The following LNX1 variants were observed in gnomAD, a reference collection of about 807,000 sequenced individuals.
LNX1 encodes the protein E3 ubiquitin-protein ligase LNX.
A neutral mutation model predicts 68.4 loss-of-function variants in LNX1; 54 were observed. That is an observed-to-expected ratio of 0.79 (90% confidence interval 0.63 to 0.99). The LOEUF (loss-of-function observed/expected upper bound fraction) is 0.99. Ranked by LOEUF, LNX1 falls within the 50% of genes least tolerant of loss-of-function variation. The probability of loss-of-function intolerance (pLI) is 0.00; values close to 1 mark genes in which losing one functional copy is unlikely to be tolerated. For synonymous variants in LNX1, 336 were observed against 350.0 expected, an observed-to-expected ratio of 0.96 and a Z score of 0.45; for missense variants, 906 against 926.4, an observed-to-expected ratio of 0.98 and a Z score of 0.29.
intron 1 of LNX1, among the ~76,000 whole-genome samples, chr4:53,626,051 C>T (rs562163676): frequency 1.2e-3 from 188 of 152,144 alleles, no homozygotes; most frequent in African/African-American, 4.2e-3. Flanking sequence ...GAATGTTATT[C>T]ACCAATAAAA....
At chr4:53,627,641 G>T (rs1429220394) in intron 1 of LNX1, among the ~76,000 whole-genome samples, 1 of 152,160 alleles carries the variant, frequency 6.6e-6, no homozygotes, top group Non-Finnish European at 1.5e-5. Flanking sequence ...ATGCACAGAG[G>T]TGAGTAATTT....
chr4:53,610,163 G>A (rs1327200102), intron 2 of LNX1, among the ~76,000 whole-genome samples: 1 of 151,984 alleles, frequency 6.6e-6, no homozygotes, highest in Admixed American at 6.6e-5. Flanking sequence ...AGACTGATCA[G>A]GTACCTGACT....
intron 2 of LNX1, among the ~76,000 whole-genome samples, chr4:53,546,619 T>C (rs776430889): frequency 2.0e-5 from 3 of 152,130 alleles, no homozygotes; most frequent in Non-Finnish European, 4.4e-5. Context: ...TCTTCATCTA[T>C]AAAATAGGGG....
intron 1 of LNX1, among the ~76,000 whole-genome samples, chr4:53,578,756 A>G (rs1174198817): frequency 6.6e-6 from 1 of 152,160 alleles, no homozygotes; most frequent in Admixed American, 6.5e-5. Context: ...GCACTTACCC[A>G]TGTGGATAAA....
intron 1 of LNX1, chr4:53,575,971 G>A: frequency 6.4e-7 from 1 of 1,561,674 alleles, no homozygotes; most frequent in African/African-American, 1.4e-5. Context: ...TGCCCTACTG[G>A]CAGGCATGCA....
chr4:53,530,274 G>C (rs1329961131), intron 2 of LNX1, among the ~76,000 whole-genome samples: 1 of 151,826 alleles, frequency 6.6e-6, no homozygotes, highest in Non-Finnish European at 1.5e-5. Context: ...AATGATAATA[G>C]AAAAAATATT....
chr4:53,609,578 A>G (rs1226339800), intron 2 of LNX1, among the ~76,000 whole-genome samples: 7 of 146,468 alleles, frequency 4.8e-5, no homozygotes. Context: ...AAAATAATAT[A>G]TAGTATATAT....
At chr4:53,644,477 G>A (rs758803066) in intron 1 of LNX1, among the ~76,000 whole-genome samples, 13 of 152,140 alleles carry the variant, frequency 8.5e-5, no homozygotes, top group Non-Finnish European at 1.8e-4. Context: ...ACTTAAGCTA[G>A]ACTGATGTAT....
chr4:53,478,422 C>T, intron 8 of LNX1, 143 bp downstream of exon 8: 1 of 692,850 alleles, frequency 1.4e-6, no homozygotes, highest in Non-Finnish European at 2.3e-6. Context: ...ATACTCAAAC[C>T]AATCATGGTC....
At chr4:53,610,287 A>C (rs1451188256) in intron 2 of LNX1, among the ~76,000 whole-genome samples, 2 of 152,188 alleles carry the variant, frequency 1.3e-5, no homozygotes, top group African/African-American at 4.8e-5. Context: ...GACTACTTGA[A>C]AATTTAAAAA....
At chr4:53,471,099 G>A (rs1302225322) in intron 9 of LNX1, among the ~76,000 whole-genome samples, 1 of 120,350 alleles carries the variant, frequency 8.3e-6, no homozygotes, top group African/African-American at 3.1e-5. Flanking sequence ...TATACTACAA[G>A]GCTACAGTAA....
At chr4:53,514,541 T>A (rs1419547989) in intron 2 of LNX1, among the ~76,000 whole-genome samples, 1 of 152,138 alleles carries the variant, frequency 6.6e-6, no homozygotes, top group Non-Finnish European at 1.5e-5. Context: ...GTGAGACTTA[T>A]TCACTACCAT....
intron 1 of LNX1, among the ~76,000 whole-genome samples, chr4:53,641,067 A>G (rs1734662614): frequency 6.6e-6 from 1 of 152,196 alleles, no homozygotes; most frequent in African/African-American, 2.4e-5. Context: ...GGCACAGGCT[A>G]CTGCTCTATG....
At chr4:53,464,914 A>C (rs1390637758) in intron 9 of LNX1, among the ~76,000 whole-genome samples, 1 of 152,176 alleles carries the variant, frequency 6.6e-6, no homozygotes, top group East Asian at 1.9e-4. Flanking sequence ...TTCTGAATTC[A>C]TGAATTTCTT....
chr4:53,532,789 C>T (rs1728108558), intron 2 of LNX1, among the ~76,000 whole-genome samples: 3 of 152,300 alleles, frequency 2.0e-5, no homozygotes, highest in Middle Eastern at 3.4e-3. Context: ...GGCAGCAGGG[C>T]GATGGGTTTC....
chr4:53,593,223 G>T (rs1413127027), upstream of LNX1, among the ~76,000 whole-genome samples: 1 of 152,040 alleles, frequency 6.6e-6, no homozygotes, highest in Non-Finnish European at 1.5e-5. Context: ...CACGCGGACA[G>T]GGTGTCCCCT....
intron 2 of LNX1, among the ~76,000 whole-genome samples, chr4:53,529,102 A>AACACACACACACACACACACACACACAC (rs201017055): frequency 7.5e-4 from 104 of 138,394 alleles, no homozygotes; most frequent in Admixed American, 2.0e-3. Context: ...AGTCCTGACC[A>AACACACACACACACACACACACACACAC]ACACACACAC....
At chr4:53,522,485 G>T (rs1221966713) in intron 2 of LNX1, among the ~76,000 whole-genome samples, 1 of 152,162 alleles carries the variant, frequency 6.6e-6, no homozygotes, top group Non-Finnish European at 1.5e-5. Context: ...GTCTATACTT[G>T]CTTAGTGCTG....
chr4:53,477,367 C>T lies in LNX1; in HGVS notation c.1664-386G>A, dbSNP rs184110241. Among the ~76,000 whole-genome samples, 23 of 152,172 alleles carry T rather than the reference C, an allele frequency of 1.5e-4. No homozygotes were observed. The East Asian group carries it at 2.5e-3, about 17-fold the overall frequency. ...TTTGGCAAAAGCTCCAGCATTTGCACGGAGCCAGGCATGTAGTAGGCCTCC... is the reference window on the plus strand; with the variant it reads ...TTTGGCAAAAGCTCCAGCATTTGCATGGAGCCAGGCATGTAGTAGGCCTCC... On this transcript the variant is annotated intron_variant, in intron 8 of 10. Coordinates refer to ENST00000263925, the MANE Select transcript of LNX1 (RefSeq NM_001126328.3).
Sources: allele counts gnomAD v4.1 joint callset (sites outside exome capture counted in the v4.1 genomes callset), GRCh38; gene constraint gnomAD v4.1.1; transcripts MANE v1.5; gene names NCBI Gene and HGNC (gene_info 2026-07-23, HGNC 2026-07-21).